Variants in SLC2A14 observed in about 807,000 individuals in gnomAD.
The protein encoded by SLC2A14 is solute carrier family 2, facilitated glucose transporter member 14.
Under a neutral mutation model 43.0 loss-of-function variants are expected in SLC2A14, and 13 were observed. The observed-to-expected ratio is 0.30, with a 90% CI of 0.20 to 0.48. The LOEUF (loss-of-function observed/expected upper bound fraction) is 0.48. Among genes scored for constraint, SLC2A14 ranks in the 20% least tolerant of loss-of-function variants. The probability of loss-of-function intolerance (pLI) is 0.99; values close to 1 mark genes in which losing one functional copy is unlikely to be tolerated. For synonymous variants in SLC2A14, 190 were observed against 233.8 expected (o/e 0.81, Z 1.71); for missense variants, 428 against 620.4 (o/e 0.69, Z 3.29).
intron 1 of SLC2A14, among the ~76,000 whole-genome samples, chr12:7,888,616 G>A (rs1945724004): frequency 6.6e-6 from 1 of 151,838 alleles, no homozygotes; most frequent in Non-Finnish European, 1.5e-5. Flanking sequence ...TGGCCAACAT[G>A]GTGAAACCCC....
At chr12:7,868,915 C>T (rs1419225407) in intron 2 of SLC2A14, among the ~76,000 whole-genome samples, 2 of 151,982 alleles carry the variant, frequency 1.3e-5, no homozygotes, top group Admixed American at 6.6e-5. Flanking sequence ...GAGGCCGAGG[C>T]GGGCAGATCA....
intron 1 of SLC2A14, among the ~76,000 whole-genome samples, chr12:7,889,034 A>C (rs1287536530): frequency 6.6e-6 from 1 of 152,012 alleles, no homozygotes; most frequent in East Asian, 1.9e-4. Flanking sequence ...GATGGCTACA[A>C]TATGGACAAG....
At chr12:7,876,136 C>T (rs1352011990), upstream of SLC2A14, among the ~76,000 whole-genome samples, 3 of 151,754 alleles carry the variant, frequency 2.0e-5, no homozygotes, top group African/African-American at 7.3e-5. Flanking sequence ...AAAAAATTAG[C>T]CAGGCATGCT....
chr12:7,817,751 T>TATATATAG (rs1555116941), intron 10 of SLC2A14, 80 bp downstream of exon 10: 4 of 1,148,950 alleles, frequency 3.5e-6, no homozygotes, highest in Middle Eastern at 5.0e-4. Flanking sequence ...TATATATATA[T>TATATATAG]ATAGATAGAT....
At chr12:7,818,883 C>T (rs1022937557) in intron 9 of SLC2A14, among the ~76,000 whole-genome samples, 6 of 151,634 alleles carry the variant, frequency 4.0e-5, no homozygotes, top group South Asian at 2.1e-4. Context: ...ACTGAGACCC[C>T]GTCATCATCC....
intron 7 of SLC2A14, among the ~76,000 whole-genome samples, chr12:7,825,083 C>T (rs970058127): frequency 2.0e-5 from 3 of 152,204 alleles, no homozygotes; most frequent in South Asian, 2.1e-4. Flanking sequence ...CCCATAATTC[C>T]GGTGCAGCTA....
At chr12:7,817,793 T>A in intron 10 of SLC2A14, 38 bp downstream of exon 10, 1 of 1,457,714 alleles carries the variant, frequency 6.9e-7, no homozygotes, top group Non-Finnish European at 9.2e-7. Flanking sequence ...GATACATAGA[T>A]AGATACATAG....
chr12:7,848,210 T>G (rs1416484778), intron 2 of SLC2A14, among the ~76,000 whole-genome samples: 1 of 152,092 alleles, frequency 6.6e-6, no homozygotes, highest in African/African-American at 2.4e-5. Flanking sequence ...TTACCTTCAC[T>G]TCCTTATTGT....
At chr12:7,838,082 T>G (rs920492623) in intron 2 of SLC2A14, among the ~76,000 whole-genome samples, 2 of 142,868 alleles carry the variant, frequency 1.4e-5, no homozygotes, top group African/African-American at 5.1e-5. Context: ...TTGTTATGTG[T>G]TTTTACCACA....
intron 1 of SLC2A14, chr12:7,890,799 A>G: frequency 2.3e-6 from 1 of 428,972 alleles, no homozygotes; most frequent in Non-Finnish European, 4.1e-6. Context: ...TCAGCAAAGA[A>G]CAAAGCTTCT....
chr12:7,871,975 A>G lies in SLC2A14; in HGVS notation c.-58+832T>C, dbSNP rs28685100. The G allele has an allele frequency of 1.5e-3, 1,242 of 807,380 alleles. 12 individuals are homozygous for G. In the African/African-American group the frequency reaches 0.022, roughly 14 times the overall value. The allele number at this position is 807,380 out of a possible 1,614,324, so 50.0% of individuals were successfully genotyped here. On this transcript the variant is annotated intron_variant, in intron 1 of 10. Coordinates refer to ENST00000431042, the MANE Select transcript of SLC2A14 (RefSeq NM_001286234.2). ...TGAGCATGGAAAAAAAACAAAAAAA[A>G]GAAAAAGAAAAAAAAAGTAAGGTAC...
intron 5 of SLC2A14, among the ~76,000 whole-genome samples, chr12:7,829,313 A>G (rs1446410234): frequency 6.6e-6 from 1 of 152,100 alleles, no homozygotes; most frequent in Non-Finnish European, 1.5e-5. Flanking sequence ...ATAACCCAGA[A>G]TTTTGGGAGG....
In SLC2A14 at chr12:7,829,847, T is replaced by C. The variant is rs1210433095; in HGVS notation, c.432A>G (p.Gly144=). 1.9e-6 allele frequency: 3 copies of C among 1,614,070 alleles called. No homozygotes were observed. Among genetic ancestry groups the C allele is most frequent in the Non-Finnish European group, 2.5e-6 (3 of 1,180,046 alleles). ...LCTGFVPMYI[G]EISPTALRGA... ...CCCTCAGGGCAGTAGGCGAGATCTC[T>C]CCAATGTACATGGGCACAAAACCTG... The change falls in exon 5 of 11, where the codon GGA becomes GGG. Residue 144 remains glycine (G), a synonymous_variant. Coordinates refer to ENST00000431042, the MANE Select transcript of SLC2A14 (RefSeq NM_001286234.2).
At chr12:7,826,868 T>TCCTTCCTTCCCTC (rs1491155908) in intron 7 of SLC2A14, among the ~76,000 whole-genome samples, 7 of 51,072 alleles carry the variant, frequency 1.4e-4, no homozygotes, top group African/African-American at 5.4e-4. Context: ...CTTTTTTCTT[T>TCCTTCCTTCCCTC]CTTTCTTTCT....
chr12:7,860,496 G>A (rs953361892), intron 2 of SLC2A14: 1 of 152,098 alleles, frequency 6.6e-6, no homozygotes, highest in African/African-American at 2.4e-5. Flanking sequence ...TTCACTGAAT[G>A]AGGATTACCC....
intron 6 of SLC2A14, among the ~76,000 whole-genome samples, chr12:7,828,441 C>T (rs748834713): frequency 1.3e-4 from 19 of 151,646 alleles, no homozygotes; most frequent in South Asian, 2.1e-4. Flanking sequence ...CCACCTACTC[C>T]GGAGGCTGAT....
intron 2 of SLC2A14, chr12:7,839,939 A>AC: frequency 2.6e-6 from 1 of 387,290 alleles, no homozygotes; most frequent in Non-Finnish European, 4.9e-6. Context: ...AAAAAAAAAA[A>AC]AAAAAAAAAA....
chr12:7,836,020 G>A (rs1865420037), intron 2 of SLC2A14, among the ~76,000 whole-genome samples: 1 of 152,060 alleles, frequency 6.6e-6, no homozygotes, highest in Non-Finnish European at 1.5e-5. Context: ...CAGCTCTCAG[G>A]CCTGTCCCAC....
At position 7,859,987 on chromosome 12, in the gene SLC2A14, ACC is replaced by A. The variant is rs1565561123; in HGVS notation, c.18+9874_18+9875del. Among the ~76,000 whole-genome samples, 416 of 152,186 alleles carry A rather than the reference ACC, an allele frequency of 2.7e-3. 1 individual carries two copies. Among genetic ancestry groups the A allele is most frequent in the African/African-American group, 9.7e-3 (402 of 41,500 alleles). ...TCCAGGCAGAGAGATGCTATTACCA[ACC>A]AAAGAGCTGACACTGCTCCACCCAC... On this transcript the variant is annotated intron_variant, in intron 2 of 10. Transcript: ENST00000431042.
Sources: allele counts gnomAD v4.1 joint callset (sites outside exome capture counted in the v4.1 genomes callset), GRCh38; gene constraint gnomAD v4.1.1; transcripts MANE v1.5; gene names NCBI Gene and HGNC (gene_info 2026-07-23, HGNC 2026-07-21).